EYA3: variants seen among roughly 807,000 people sequenced by gnomAD.
EYA3 encodes the protein protein phosphatase EYA3.
In EYA3, 39 loss-of-function variants were observed where a neutral mutation model predicts 80.0. The observed-to-expected ratio is 0.49, with a 90% confidence interval of 0.38 to 0.64. The LOEUF is 0.64. Among genes scored for constraint, EYA3 ranks in the 30% least tolerant of loss-of-function variants. EYA3 has a pLI of 0.00. For synonymous variants in EYA3, 206 were observed against 232.8 expected, an observed-to-expected ratio of 0.88 and a Z score of 1.05; for missense variants, 523 against 676.1, an observed-to-expected ratio of 0.77 and a Z score of 2.51.
rs764465776 is a variant in EYA3, at chr1:28,079,886, TC to T, written c.-69+8637del. Reference sequence around the variant, plus strand: ...CTTAAGTGATCCTCCTACTTCAGCCTCCCAAAGTGCTGGGATTACAGGCATG... The same window carrying T: ...CTTAAGTGATCCTCCTACTTCAGCCTCCAAAGTGCTGGGATTACAGGCATG... On this transcript the variant is annotated intron_variant, in intron 1 of 17. Transcript: ENST00000373871. Among the ~76,000 whole-genome samples, 9 of 151,438 alleles carry T rather than the reference TC, an allele frequency of 5.9e-5. No individual in the cohort carries two copies. In the East Asian group the frequency reaches 9.8e-4, roughly 17 times the overall value.
intron 1 of EYA3, among the ~76,000 whole-genome samples, chr1:28,087,956 G>A (rs1645725740): frequency 6.6e-6 from 1 of 152,140 alleles, no homozygotes; most frequent in African/African-American, 2.4e-5. Context: ...TCCCATTTCG[G>A]GGCTTTGGCA....
chr1:27,974,265 G>C lies in EYA3; in HGVS notation c.*201C>G. 3 of 390,658 alleles carry C rather than the reference G, an allele frequency of 7.7e-6. No individual in the cohort carries two copies. The highest frequency in any genetic ancestry group is 7.1e-5 in the South Asian group (2 of 28,122). 24.2% of individuals were successfully genotyped at this position (390,658 alleles called of 1,614,324 possible). A position where few individuals can be genotyped will look rare whatever the true frequency, so the allele number is the denominator to read the frequency against. On this transcript the variant is annotated 3_prime_UTR_variant, in exon 18 of 18. Transcript: ENST00000373871. ...AGCATTCCATGGATAAAGACAGAGA[G>C]AGAGAGAGAGAGAGAGGCAGAGAGG... is the stretch of plus-strand genomic sequence containing the variant.
In EYA3 at chr1:28,038,852, T is replaced by G; in HGVS notation, c.211A>C (p.Met71Leu). 1 of 1,590,434 alleles carries G rather than the reference T, an allele frequency of 6.3e-7. No homozygotes were observed. Among genetic ancestry groups the G allele is most frequent in the Non-Finnish European group, 8.6e-7 (1 of 1,164,844 alleles). ...PRSSNDYTSQ[M>L]YSAKPYAHIL... ...TATTCAACTTACTTTGCAGAATACA[T>G]TTGTGAGGTATAATCATTGGATGAG... Residue 71 changes from methionine (M) to leucine (L), a missense_variant, in exon 5 of 18, where the codon ATG (methionine) becomes CTG (leucine). By Grantham distance (15) the Met-to-Leu change is conservative. Transcript: ENST00000373871.
At chr1:28,085,707 C>T (rs1180979649) in intron 1 of EYA3, among the ~76,000 whole-genome samples, 3 of 152,126 alleles carry the variant, frequency 2.0e-5, no homozygotes, top group Admixed American at 1.3e-4. Flanking sequence ...AGAAAATCAA[C>T]GGTAATTTTT....
intron 1 of EYA3, among the ~76,000 whole-genome samples, chr1:28,079,611 G>A (rs1571976544): frequency 1.3e-5 from 2 of 152,068 alleles, no homozygotes; most frequent in African/African-American, 4.8e-5. Context: ...TCAACCTCAC[G>A]ATTCCAAAAT....
At chr1:28,065,775 C>A (rs1277388347) in intron 1 of EYA3, among the ~76,000 whole-genome samples, 2 of 150,160 alleles carry the variant, frequency 1.3e-5, no homozygotes, top group African/African-American at 4.9e-5. Flanking sequence ...GAGGCCGAGG[C>A]GGGCGGATCA....
chr1:28,050,629 A>C (rs1036965493), intron 2 of EYA3, among the ~76,000 whole-genome samples: 1 of 152,138 alleles, frequency 6.6e-6, no homozygotes, highest in African/African-American at 2.4e-5. Context: ...ATCTAAAGTC[A>C]TATCTACCAA....
chr1:28,052,165 T>C (rs1158774542), intron 2 of EYA3, among the ~76,000 whole-genome samples: 2 of 152,108 alleles, frequency 1.3e-5, no homozygotes, highest in Non-Finnish European at 2.9e-5. Flanking sequence ...CGTGCCACCA[T>C]GCCTGGCTAA....
At chr1:28,057,617 C>T (rs765120437) in intron 2 of EYA3, among the ~76,000 whole-genome samples, 1 of 151,980 alleles carries the variant, frequency 6.6e-6, no homozygotes, top group Non-Finnish European at 1.5e-5. Flanking sequence ...TTATAACTTC[C>T]TCACTACTAC....
rs1645214732 is a variant in EYA3, at chr1:28,076,665, C to CT, written c.-69+11858dup. On this transcript the variant is annotated intron_variant, in intron 1 of 17. Coordinates refer to ENST00000373871, the MANE Select transcript of EYA3 (RefSeq NM_001990.4). ...CCTGGGTGACACAACAAGACTCTGCCTAAAAAAAAAAAAAAAAGAAAGAAA... is the reference window on the plus strand; with the variant it reads ...CCTGGGTGACACAACAAGACTCTGCCTTAAAAAAAAAAAAAAAAGAAAGAAA... Among the ~76,000 whole-genome samples the CT allele has an allele frequency of 1.9e-4, 17 of 91,348 alleles. No individual in the cohort carries two copies. The South Asian group carries it at 7.5e-3, about 40-fold the overall frequency. The allele number at this position is 91,348 out of a possible 152,430, so 59.9% of individuals were successfully genotyped here.
At chr1:28,024,524 G>A (rs1642655968) in intron 7 of EYA3, among the ~76,000 whole-genome samples, 1 of 152,026 alleles carries the variant, frequency 6.6e-6, no homozygotes, top group Admixed American at 6.6e-5. Flanking sequence ...GGGCGTGGTG[G>A]TGGGTGCCTC....
At chr1:28,054,713 T>A (rs530879379) in intron 2 of EYA3, among the ~76,000 whole-genome samples, 1 of 151,968 alleles carries the variant, frequency 6.6e-6, no homozygotes, top group East Asian at 1.9e-4. Context: ...ACAAAAAAAT[T>A]AGTTGGGTGT....
chr1:28,056,447 C>T (rs747976181), intron 2 of EYA3, among the ~76,000 whole-genome samples: 5 of 152,192 alleles, frequency 3.3e-5, no homozygotes, highest in Admixed American at 1.3e-4. Flanking sequence ...TGCTATGCCT[C>T]TTGTTTCAAG....
intron 2 of EYA3, among the ~76,000 whole-genome samples, chr1:28,057,296 C>A (rs1644469944): frequency 6.6e-6 from 1 of 152,072 alleles, no homozygotes; most frequent in Non-Finnish European, 1.5e-5. Context: ...ATGTACCATG[C>A]TGTATCCTCT....
intron 17 of EYA3, among the ~76,000 whole-genome samples, chr1:27,976,099 G>A (rs575478887): frequency 6.6e-6 from 1 of 152,172 alleles, no homozygotes; most frequent in African/African-American, 2.4e-5. Flanking sequence ...CAAGACAGCT[G>A]CTCACACATA....
chr1:27,999,078 C>T lies in EYA3; in HGVS notation c.1083+882G>A, dbSNP rs552639406. 2.0e-4 allele frequency among the ~76,000 whole-genome samples: 30 copies of T among 152,272 alleles called. No homozygotes were observed. The South Asian group carries it at 6.0e-3, about 31-fold the overall frequency. On this transcript the variant is annotated intron_variant, in intron 12 of 17. Transcript: ENST00000373871. ...GCCACCACGCCCAGCCTATAAAATC[C>T]TATATTACTTTACTTTAAAATTTTC... is the stretch of plus-strand genomic sequence containing the variant.
At chr1:27,983,806 C>A (rs1639468519) in intron 16 of EYA3, among the ~76,000 whole-genome samples, 1 of 152,180 alleles carries the variant, frequency 6.6e-6, no homozygotes, top group Non-Finnish European at 1.5e-5. Context: ...CAGGCGTGTG[C>A]CACCACGCCC....
At chr1:28,061,147 G>C (rs886615374) in intron 1 of EYA3, among the ~76,000 whole-genome samples, 1 of 152,122 alleles carries the variant, frequency 6.6e-6, no homozygotes, top group Non-Finnish European at 1.5e-5. Flanking sequence ...AAAATCCCCC[G>C]GGATTCTACT....
At chr1:28,073,559 C>T (rs1043396714) in intron 1 of EYA3, among the ~76,000 whole-genome samples, 9 of 151,998 alleles carry the variant, frequency 5.9e-5, no homozygotes, top group African/African-American at 1.5e-4. Flanking sequence ...CTCACCCCCA[C>T]AAAGTGCTGG....
Sources: allele counts gnomAD v4.1 joint callset (sites outside exome capture counted in the v4.1 genomes callset), GRCh38; gene constraint gnomAD v4.1.1; transcripts MANE v1.5; gene names NCBI Gene and HGNC (gene_info 2026-07-23, HGNC 2026-07-21).